Variants in TARBP1 observed in about 807,000 individuals in gnomAD.
TARBP1 encodes the protein tRNA guanosine 2 -O-methyltransferase TARBP1, also known as tRNA (guanosine(18)-2'-O)-methyltransferase TARBP1.
A neutral mutation model predicts 178.6 loss-of-function variants in TARBP1; 144 were observed. That is an observed-to-expected ratio of 0.81 (90% CI 0.70 to 0.93). The LOEUF is 0.93. Ranked by LOEUF, TARBP1 falls within the 40% of genes least tolerant of loss-of-function variation. The pLI, the probability that TARBP1 is intolerant of heterozygous loss-of-function variation, is 0.00. For synonymous variants in TARBP1, 787 were observed against 781.0 expected, an observed-to-expected ratio of 1.01 and a Z score of -0.13; for missense variants, 2,067 against 2,011.7, an observed-to-expected ratio of 1.03 and a Z score of -0.53.
intron 12 of TARBP1, among the ~76,000 whole-genome samples, chr1:234,439,811 G>A (rs1392141569): frequency 6.6e-6 from 1 of 152,078 alleles, no homozygotes; most frequent in Non-Finnish European, 1.5e-5. Flanking sequence ...GGGCAACAGA[G>A]ATTTCAAAGT....
intron 12 of TARBP1, among the ~76,000 whole-genome samples, chr1:234,440,347 T>C (rs1665459104): frequency 7.0e-6 from 1 of 141,864 alleles, no homozygotes; most frequent in Non-Finnish European, 1.5e-5. Flanking sequence ...ACAACAGAAA[T>C]CAATGAAATT....
At chr1:234,461,381 T>C (rs1020555061) in intron 6 of TARBP1, among the ~76,000 whole-genome samples, 2 of 152,182 alleles carry the variant, frequency 1.3e-5, no homozygotes, top group African/African-American at 4.8e-5. Flanking sequence ...CTTGGCTTAC[T>C]ACTACAACCT....
chr1:234,399,790 A>G (rs1436688229), intron 25 of TARBP1, among the ~76,000 whole-genome samples: 1 of 151,570 alleles, frequency 6.6e-6, no homozygotes, highest in Non-Finnish European at 1.5e-5. Context: ...CAAGAACGAA[A>G]AACCAAACAC....
At chr1:234,393,045 T>C (rs1380244724) in intron 28 of TARBP1, among the ~76,000 whole-genome samples, 1 of 152,156 alleles carries the variant, frequency 6.6e-6, no homozygotes, top group South Asian at 2.1e-4. Context: ...CTAAGAATTA[T>C]TCCTACATCA....
chr1:234,418,059 T>C (rs545849259), intron 22 of TARBP1, 25 bp downstream of exon 22: 385 of 1,203,872 alleles, frequency 3.2e-4, no homozygotes, highest in Non-Finnish European at 4.1e-4. Flanking sequence ...AGTTTAAAAA[T>C]ATATAAAAAA....
chr1:234,469,091 A>AAAG (rs1668789580), intron 3 of TARBP1, among the ~76,000 whole-genome samples: 1 of 116,282 alleles, frequency 8.6e-6, no homozygotes, highest in African/African-American at 3.1e-5. Context: ...AAAAAAAAAA[A>AAAG]GGCAAAAACC....
At position 234,478,599 on chromosome 1, in the gene TARBP1, C is replaced by A; in HGVS notation, c.505G>T (p.Ala169Ser). The part of the protein sequence containing the change: ...LLERVAGTAV[A>S]LALGGGGDGD... ...TCCCCGCCCCCGCCCAGCGCCAGGG[C>A]GACGGCGGTCCCCGCCACGCGCTCC... Residue 169 changes from alanine (A) to serine (S), a missense_variant, in exon 1 of 30, where the codon GCC (alanine) becomes TCC (serine). Coordinates refer to ENST00000040877, the MANE Select transcript of TARBP1 (RefSeq NM_005646.4). The A allele has an allele frequency of 7.7e-7, 1 of 1,298,136 alleles. No individual in the cohort carries two copies. The highest frequency in any genetic ancestry group is 9.8e-7 in the Non-Finnish European group (1 of 1,025,138). The allele number at this position is 1,298,136 out of a possible 1,614,324, so 80.4% of individuals were successfully genotyped here.
At chr1:234,432,378 A>T (rs1664539715) in intron 14 of TARBP1, among the ~76,000 whole-genome samples, 2 of 152,048 alleles carry the variant, frequency 1.3e-5, no homozygotes, top group Non-Finnish European at 2.9e-5. Flanking sequence ...GGAGGCTGAG[A>T]CTGCAGTGAG....
At chr1:234,403,450 ATTTAT>A (rs1451196738) in intron 24 of TARBP1, among the ~76,000 whole-genome samples, 1 of 152,020 alleles carries the variant, frequency 6.6e-6, no homozygotes, top group Non-Finnish European at 1.5e-5. Context: ...CTTTTCTGTG[ATTTAT>A]TTTAAAACTT....
chr1:234,438,604 C>T (rs1665275079), intron 12 of TARBP1, among the ~76,000 whole-genome samples: 1 of 152,122 alleles, frequency 6.6e-6, no homozygotes, highest in Non-Finnish European at 1.5e-5. Context: ...GGAGAGAAAA[C>T]TGGTTGAAAA....
At position 234,391,649 on chromosome 1, in the gene TARBP1, A is replaced by G. The variant is rs749326306; in HGVS notation, c.4794T>C (p.His1598=). 1 of 1,613,764 alleles carries G rather than the reference A, an allele frequency of 6.2e-7. No homozygotes were observed. Among genetic ancestry groups the G allele is most frequent in the Non-Finnish European group, 8.5e-7 (1 of 1,180,026 alleles). ...CCCAGATCAGCAGGGCTCCACTCACATGGACATTCAGGGAGCGGATAATGC... is the reference window on the plus strand; with the variant it reads ...CCCAGATCAGCAGGGCTCCACTCACGTGGACATTCAGGGAGCGGATAATGC... ...QQGIIRSLNV[H]VSGALLIWEY... is the part of the protein sequence containing the mutation. The change falls in exon 30 of 30, where the codon CAT becomes CAC. Residue 1598 remains histidine (H), a synonymous_variant. Coordinates refer to ENST00000040877, the MANE Select transcript of TARBP1 (RefSeq NM_005646.4).
intron 24 of TARBP1, among the ~76,000 whole-genome samples, chr1:234,404,701 T>C (rs1661034244): frequency 6.6e-6 from 1 of 152,218 alleles, no homozygotes; most frequent in South Asian, 2.1e-4. Context: ...CTGTGCACGA[T>C]GTACCAGGAA....
chr1:234,429,695 G>C lies in TARBP1; in HGVS notation c.2610-18C>G, dbSNP rs371731943. ...CCAAAACACTGAAATAAAAAATAAA[G>C]TTACTAGGCCATACTTCCCCAATTT... On this transcript the variant is annotated intron_variant, in intron 15 of 29. Coordinates refer to ENST00000040877, the MANE Select transcript of TARBP1 (RefSeq NM_005646.4). The C allele has an allele frequency of 6.5e-7, 1 of 1,527,508 alleles. No homozygotes were observed. 94.6% of individuals were successfully genotyped at this position (1,527,508 alleles called of 1,614,324 possible).
chr1:234,425,575 C>A, intron 20 of TARBP1, 98 bp downstream of exon 20: 2 of 1,297,740 alleles, frequency 1.5e-6, no homozygotes, highest in South Asian at 1.3e-5. Flanking sequence ...TTTCTCCTGA[C>A]AAAAGATATT....
intron 9 of TARBP1, among the ~76,000 whole-genome samples, 179 bp from the exon 10 acceptor site, chr1:234,450,745 T>C (rs1432768722): frequency 6.6e-6 from 1 of 151,754 alleles, no homozygotes; most frequent in African/African-American, 2.4e-5. Flanking sequence ...AAAAAAACTA[T>C]GTGTATATAT....
intron 26 of TARBP1, among the ~76,000 whole-genome samples, chr1:234,396,503 C>A (rs1395350210): frequency 6.6e-6 from 1 of 152,180 alleles, no homozygotes; most frequent in Non-Finnish European, 1.5e-5. Context: ...GGTACTTCTA[C>A]TACCAGACAC....
intron 22 of TARBP1, among the ~76,000 whole-genome samples, chr1:234,415,904 C>T (rs1457112666): frequency 2.6e-5 from 4 of 152,220 alleles, no homozygotes; most frequent in African/African-American, 9.6e-5. Context: ...CCTACTACTC[C>T]CCTCTTCCCC....
At chr1:234,406,277 T>C (rs1353696064) in intron 23 of TARBP1, 178 bp from the exon 24 acceptor site, 2 of 593,784 alleles carry the variant, frequency 3.4e-6, no homozygotes, top group South Asian at 4.5e-5. Context: ...CACAGGCATT[T>C]GCAATTTACT....
intron 1 of TARBP1, among the ~76,000 whole-genome samples, chr1:234,477,924 A>C (rs757709034): frequency 6.6e-6 from 1 of 152,158 alleles, no homozygotes; most frequent in Non-Finnish European, 1.5e-5. Flanking sequence ...TTCCTAAACT[A>C]TTCCAGGGGT....
Sources: gnomAD v4.1 joint callset for allele counts (sites outside exome capture counted in the v4.1 genomes callset) on GRCh38, gnomAD v4.1.1 for gene constraint, MANE v1.5 for transcripts, NCBI Gene and HGNC (gene_info 2026-07-23, HGNC 2026-07-21) for gene names.